The following LHPP variants were observed in gnomAD, a reference collection of about 807,000 sequenced individuals.
The protein encoded by LHPP is phospholysine phosphohistidine inorganic pyrophosphate phosphatase.
In LHPP, 24 loss-of-function variants were observed where a neutral mutation model predicts 30.3. That is an observed-to-expected ratio of 0.79 (90% CI 0.57 to 1.11). The LOEUF is 1.11. Among genes scored for constraint, LHPP ranks in the 50% most tolerant of loss-of-function variants. The pLI, the probability that LHPP is intolerant of heterozygous loss-of-function variation, is 0.00. For synonymous variants in LHPP, 150 were observed against 157.1 expected, an observed-to-expected ratio of 0.95 and a Z score of 0.34; for missense variants, 356 against 367.2, an observed-to-expected ratio of 0.97 and a Z score of 0.25.
chr10:124,485,646 G>A (rs991488680), intron 2 of LHPP, among the ~76,000 whole-genome samples: 2 of 151,614 alleles, frequency 1.3e-5, no homozygotes, highest in Non-Finnish European at 2.9e-5. Context: ...CACCCAGGCT[G>A]GAGTACAACA....
intron 6 of LHPP, among the ~76,000 whole-genome samples, chr10:124,563,296 T>A (rs1419907493): frequency 5.3e-5 from 2 of 37,722 alleles, no homozygotes; most frequent in Admixed American, 3.4e-4. Flanking sequence ...AAAGAAACAA[T>A]CTCTCTCTCT....
intron 6 of LHPP, among the ~76,000 whole-genome samples, chr10:124,591,704 A>G (rs965286551): frequency 6.6e-6 from 1 of 151,898 alleles, no homozygotes; most frequent in African/African-American, 2.4e-5. Flanking sequence ...CTCTCTTCTA[A>G]CAAGCATTTG....
At chr10:124,573,521 G>A (rs1157352913) in intron 6 of LHPP, among the ~76,000 whole-genome samples, 1 of 152,176 alleles carries the variant, frequency 6.6e-6, no homozygotes, top group Non-Finnish European at 1.5e-5. Flanking sequence ...GTGTTGCCCA[G>A]GCTGGTCTTG....
At chr10:124,579,992 A>G (rs1040454496) in intron 6 of LHPP, among the ~76,000 whole-genome samples, 3 of 152,254 alleles carry the variant, frequency 2.0e-5, no homozygotes, top group Non-Finnish European at 4.4e-5. Flanking sequence ...TTGTTGTAAT[A>G]TAATCCACAT....
At chr10:124,538,266 C>G (rs72631139) in intron 6 of LHPP, among the ~76,000 whole-genome samples, 1 of 152,180 alleles carries the variant, frequency 6.6e-6, no homozygotes, top group Non-Finnish European at 1.5e-5. Flanking sequence ...TCCCCACCCA[C>G]GGTCACTCTC....
At chr10:124,557,305 G>C (rs1370209751) in intron 6 of LHPP, among the ~76,000 whole-genome samples, 3 of 152,220 alleles carry the variant, frequency 2.0e-5, no homozygotes, top group African/African-American at 4.8e-5. Context: ...TGATAGAGAA[G>C]GCCCACGCGA....
Position 124,496,038 on chromosome 10 carries a change from T to A in LHPP, c.468-923T>A, listed in dbSNP as rs73365831. ...ATACGTGCTTTCTCCACGTCTCCCATATCGTAAGGGCATGGCAGGAGGAGA... is the reference window on the plus strand; with the variant it reads ...ATACGTGCTTTCTCCACGTCTCCCAAATCGTAAGGGCATGGCAGGAGGAGA... On this transcript the variant is annotated intron_variant, in intron 3 of 6. Coordinates refer to ENST00000368842, the MANE Select transcript of LHPP (RefSeq NM_022126.4). This position sits in a 1 kb window ranked among gnomAD's most constrained non-coding sequence, Gnocchi z 4.3. Among the ~76,000 whole-genome samples the A allele has an allele frequency of 0.065, 9,933 of 152,160 alleles. 1,030 individuals are homozygous for A. Among genetic ancestry groups the A allele is most frequent in the African/African-American group, 0.22 (9,251 of 41,466 alleles).
rs1219757415 is a variant in LHPP, at chr10:124,523,498, C to T, written c.716+6227C>T. ...TGGGTCTTCCCAGACTTCGCAGTGA[C>T]GGATTTCAGAGTGTTTCCTGTTACG... On this transcript the variant is annotated intron_variant, in intron 6 of 6. Coordinates refer to ENST00000368842, the MANE Select transcript of LHPP (RefSeq NM_022126.4). The surrounding 1 kb of genome is among the most constrained non-coding windows in gnomAD (Gnocchi z 4.2). 2.6e-5 allele frequency among the ~76,000 whole-genome samples: 4 copies of T among 152,236 alleles called. No individual in the cohort carries two copies. Among genetic ancestry groups the T allele is most frequent in the Non-Finnish European group, 4.4e-5 (3 of 68,040 alleles).
chr10:124,484,459 G>T (rs1012751570), intron 2 of LHPP, 133 bp downstream of exon 2: 3 of 859,230 alleles, frequency 3.5e-6, no homozygotes, highest in African/African-American at 3.4e-5. Context: ...TGGGTTGGGG[G>T]TAAAAACCTC....
intron 6 of LHPP, among the ~76,000 whole-genome samples, chr10:124,545,773 C>G (rs973662648): frequency 1.3e-5 from 2 of 152,114 alleles, no homozygotes; most frequent in African/African-American, 4.8e-5. Flanking sequence ...AAAATCAATA[C>G]AAACAAACCA....
At chr10:124,553,008 G>A (rs17622092) in intron 6 of LHPP, among the ~76,000 whole-genome samples, 37,849 of 152,246 alleles carry the variant, frequency 0.25, 5,347 homozygotes, top group Middle Eastern at 0.32. Context: ...CTGGCCTTCC[G>A]AGCTGATAAT....
intron 5 of LHPP, among the ~76,000 whole-genome samples, chr10:124,500,495 A>G (rs1953866630): frequency 6.6e-6 from 1 of 151,952 alleles, no homozygotes; most frequent in African/African-American, 2.4e-5. Context: ...TAGTAATGAT[A>G]ATAATAAATT....
chr10:124,548,847 A>G (rs1229171885), intron 6 of LHPP, among the ~76,000 whole-genome samples: 1 of 152,240 alleles, frequency 6.6e-6, no homozygotes, highest in Non-Finnish European at 1.5e-5. Context: ...GTCCCCGGAC[A>G]CCGAGGCTAG....
At chr10:124,468,387 G>A (rs934067165) in intron 1 of LHPP, among the ~76,000 whole-genome samples, 2 of 152,198 alleles carry the variant, frequency 1.3e-5, no homozygotes, top group Non-Finnish European at 2.9e-5. Context: ...GTAGCTGGGA[G>A]AGGCTAAAAT....
intron 6 of LHPP, among the ~76,000 whole-genome samples, chr10:124,529,990 C>T (rs1366201077): frequency 1.3e-5 from 2 of 152,316 alleles, no homozygotes; most frequent in African/African-American, 4.8e-5. Flanking sequence ...GTGGGGGCGG[C>T]TGGAGAGGTG....
At chr10:124,538,431 G>A (rs892830560) in intron 6 of LHPP, among the ~76,000 whole-genome samples, 4 of 152,218 alleles carry the variant, frequency 2.6e-5, no homozygotes, top group African/African-American at 9.7e-5. Context: ...AGCATCTGTA[G>A]TGCCCACTCC....
intron 1 of LHPP, among the ~76,000 whole-genome samples, chr10:124,482,869 G>T (rs534537384): frequency 6.6e-6 from 1 of 152,176 alleles, no homozygotes; most frequent in African/African-American, 2.4e-5. Context: ...CCCTTCCTTT[G>T]CAGGGTCTCT....
At chr10:124,522,926 C>T (rs1444479628) in intron 6 of LHPP, among the ~76,000 whole-genome samples, 2 of 152,334 alleles carry the variant, frequency 1.3e-5, no homozygotes, top group East Asian at 1.9e-4. Flanking sequence ...ATCTGAGCCA[C>T]AGACCCTTCC....
intron 2 of LHPP, among the ~76,000 whole-genome samples, chr10:124,485,490 T>C (rs1433181982): frequency 1.3e-5 from 2 of 152,124 alleles, no homozygotes; most frequent in African/African-American, 4.8e-5. Context: ...TAGACCCTTG[T>C]TTTCAGACTT....
Sources: allele counts gnomAD v4.1 joint callset (sites outside exome capture counted in the v4.1 genomes callset), GRCh38; gene constraint gnomAD v4.1.1; non-coding constraint Gnocchi (gnomAD v3.1); transcripts MANE v1.5; gene names NCBI Gene and HGNC (gene_info 2026-07-23, HGNC 2026-07-21).